Variants in ERO1A observed in about 807,000 individuals in gnomAD.
ERO1A encodes the protein ERO1-like protein alpha.
A neutral mutation model predicts 76.9 loss-of-function variants in ERO1A; 49 were observed. That is an observed-to-expected ratio of 0.64 (90% confidence interval 0.51 to 0.81). The LOEUF (loss-of-function observed/expected upper bound fraction) is 0.81. ERO1A is among the 30% of genes least tolerant of loss of function. The probability of loss-of-function intolerance (pLI) is 0.00; values close to 1 mark genes in which losing one functional copy is unlikely to be tolerated. For missense variants in ERO1A, 448 were observed against 542.1 expected (o/e 0.83, Z 1.72); for synonymous variants, 174 against 181.2 (o/e 0.96, Z 0.32).
chr14:52,685,800 A>C (rs1287401344), intron 1 of ERO1A, among the ~76,000 whole-genome samples: 2 of 152,160 alleles, frequency 1.3e-5, no homozygotes, highest in African/African-American at 4.8e-5. Flanking sequence ...GCTGCTCCCA[A>C]GACACTCCAC....
intron 1 of ERO1A, among the ~76,000 whole-genome samples, chr14:52,684,791 CTA>C (rs2041125577): frequency 1.1e-5 from 1 of 94,966 alleles, no homozygotes; most frequent in Admixed American, 1.3e-4. Context: ...AATTATGAAA[CTA>C]GAATTCTTTT....
At position 52,642,236 on chromosome 14, in the gene ERO1A, A is replaced by G. The variant is rs945287731; in HGVS notation, c.*1334T>C. 1 of 152,172 alleles carries G rather than the reference A, an allele frequency of 6.6e-6. No individual in the cohort carries two copies. The highest frequency in any genetic ancestry group is 1.5e-5 in the Non-Finnish European group (1 of 68,024). 9.4% of individuals were successfully genotyped at this position (152,172 alleles called of 1,614,324 possible). On this transcript the variant is annotated 3_prime_UTR_variant, in exon 16 of 16. Transcript: ENST00000395686. ...GACAAAGGAAATGAACTTCGGGTAT[A>G]AAAAACAAAAATGAAACTGGGTATG...
At chr14:52,679,612 G>A (rs1454850617) in intron 3 of ERO1A, among the ~76,000 whole-genome samples, 1 of 151,942 alleles carries the variant, frequency 6.6e-6, no homozygotes, top group Non-Finnish European at 1.5e-5. Flanking sequence ...TGGCCAAGCT[G>A]ACCTCAAACT....
At chr14:52,668,748 TTATTA>T (rs1368447346) in intron 6 of ERO1A, among the ~76,000 whole-genome samples, 1 of 148,600 alleles carries the variant, frequency 6.7e-6, no homozygotes, top group African/African-American at 2.4e-5. Context: ...TATTACTATA[TTATTA>T]TATTACAAAT....
intron 4 of ERO1A, 80 bp from the exon 5 acceptor site, chr14:52,671,951 C>A (rs2139716087): frequency 1.6e-5 from 16 of 983,004 alleles, no homozygotes; most frequent in Non-Finnish European, 2.4e-5. Context: ...TTATCTGAAG[C>A]TCTTTTTATT....
chr14:52,695,404 C>A lies in ERO1A; in HGVS notation c.78G>T (p.Gln26His), dbSNP rs1041744435. The A allele has an allele frequency of 6.5e-7, 1 of 1,541,124 alleles. No homozygotes were observed. The highest frequency in any genetic ancestry group is 8.8e-7 in the Non-Finnish European group (1 of 1,142,718). Residue 26 changes from glutamine (Q) to histidine (H), a missense_variant, in exon 1 of 16, where the codon CAG (glutamine) becomes CAT (histidine). Coordinates refer to ENST00000395686, the MANE Select transcript of ERO1A (RefSeq NM_014584.3). Reference protein sequence around the residue: ...WLLSSGHGEEQPPETAAQRCF... With the variant: ...WLLSSGHGEEHPPETAAQRCF... ...ACCTCTGTGCCGCTGTCTCCGGGGG[C>A]TGCTCCTCTCCGTGGCCCGAGCTGA...
At chr14:52,683,764 A>G in intron 2 of ERO1A, 24 bp downstream of exon 2, 1 of 1,061,870 alleles carries the variant, frequency 9.4e-7, no homozygotes, top group African/African-American at 1.6e-5. Flanking sequence ...GTATTCATAT[A>G]TAAAAAATTA....
chr14:52,666,583 C>T (rs1010726477), intron 6 of ERO1A, 88 bp from the exon 7 acceptor site: 17 of 1,172,226 alleles, frequency 1.5e-5, no homozygotes, highest in East Asian at 8.1e-5. Flanking sequence ...TTGATTCTAA[C>T]GCACCACAAA....
At position 52,666,488 on chromosome 14, in the gene ERO1A, C is replaced by A; in HGVS notation, c.516G>T (p.Gln172His). ...AATCTACATATTCAGCTTCAGGGGA[C>A]TGAATGTCTGTAAAATAAAATGTCT... ...SDNFCEADDI[Q>H]SPEAEYVDLL... The change falls in exon 7 of 16, where the codon CAG becomes CAT. Residue 172 changes from glutamine (Q) to histidine (H), a missense_variant. Gln to His is a conservative substitution (Grantham distance 24). Transcript: ENST00000395686. 6.2e-7 allele frequency: 1 copy of A among 1,606,482 alleles called. No individual in the cohort carries two copies. Among genetic ancestry groups the A allele is most frequent in the East Asian group, 2.2e-5 (1 of 44,776 alleles).
intron 15 of ERO1A, 39 bp from the exon 16 acceptor site, chr14:52,643,669 A>T (rs2039549782): frequency 2.8e-6 from 3 of 1,073,410 alleles, no homozygotes; most frequent in South Asian, 3.4e-5. Flanking sequence ...ACCATCTTAG[A>T]TAAATTTTAT....
At chr14:52,681,673 T>C (rs1212716849) in intron 3 of ERO1A, among the ~76,000 whole-genome samples, 1 of 152,146 alleles carries the variant, frequency 6.6e-6, no homozygotes, top group African/African-American at 2.4e-5. Flanking sequence ...AAATTGTCAT[T>C]CAAAAATATT....
At chr14:52,675,275 C>T (rs1395726990) in intron 4 of ERO1A, among the ~76,000 whole-genome samples, 4 of 151,664 alleles carry the variant, frequency 2.6e-5, no homozygotes, top group East Asian at 1.9e-4. Flanking sequence ...CCCAGCTACT[C>T]GGGAGGCTGA....
chr14:52,665,596 T>TCTC (rs1182337262), intron 7 of ERO1A, among the ~76,000 whole-genome samples: 13 of 152,074 alleles, frequency 8.5e-5, no homozygotes, highest in South Asian at 2.1e-4. Context: ...TCTCTCCATC[T>TCTC]CTAAGACAGC....
intron 6 of ERO1A, 189 bp downstream of exon 6, chr14:52,671,441 T>C (rs1339507476): frequency 4.6e-6 from 2 of 433,650 alleles, no homozygotes; most frequent in Non-Finnish European, 8.2e-6. Flanking sequence ...AATAACTTTT[T>C]TCTGAGATGG....
chr14:52,656,711 C>CAAAAAAA (rs34369320), intron 11 of ERO1A, among the ~76,000 whole-genome samples: 29 of 103,588 alleles, frequency 2.8e-4, no homozygotes, highest in African/African-American at 1.1e-3. Context: ...GACTCTGTCT[C>CAAAAAAA]AAAAAAAAAA....
chr14:52,682,274 T>C lies in ERO1A; in HGVS notation c.318+51A>G, dbSNP rs146757805. On this transcript the variant is annotated intron_variant, in intron 3 of 15. Transcript: ENST00000395686. ...TTAAATAAAACAAAACAAAAAGTTA[T>C]AATGAATGAAAAAACATGTAACAGT... 1.2e-5 allele frequency: 17 copies of C among 1,360,854 alleles called. No individual in the cohort carries two copies. In the East Asian group the frequency reaches 3.9e-4, roughly 31 times the overall value. The allele number at this position is 1,360,854 out of a possible 1,614,324, so 84.3% of individuals were successfully genotyped here. A position where few individuals can be genotyped will look rare whatever the true frequency, so the allele number is the denominator to read the frequency against.
chr14:52,666,982 T>C (rs2040435392), intron 6 of ERO1A, among the ~76,000 whole-genome samples: 1 of 152,204 alleles, frequency 6.6e-6, no homozygotes, highest in Non-Finnish European at 1.5e-5. Context: ...ACATTAATTG[T>C]ACACACTGGC....
At chr14:52,681,813 G>C (rs1240500667) in intron 3 of ERO1A, among the ~76,000 whole-genome samples, 1 of 152,080 alleles carries the variant, frequency 6.6e-6, no homozygotes, top group Admixed American at 6.5e-5. Context: ...AAAAAGAGGG[G>C]GGGAATTTTG....
chr14:52,691,061 C>A (rs949882964), intron 1 of ERO1A, among the ~76,000 whole-genome samples: 1 of 152,130 alleles, frequency 6.6e-6, no homozygotes. Context: ...GCCACCACAC[C>A]CAGCCAATAT....
Sources: allele counts gnomAD v4.1 joint callset (sites outside exome capture counted in the v4.1 genomes callset), GRCh38; gene constraint gnomAD v4.1.1; transcripts MANE v1.5; gene names NCBI Gene and HGNC (gene_info 2026-07-23, HGNC 2026-07-21).